Variants in DOCK9 observed in about 807,000 individuals in gnomAD.
DOCK9 encodes dedicator of cytokinesis 9.
A neutral mutation model predicts 263.3 loss-of-function variants in DOCK9; 89 were observed. The ratio of observed to expected loss-of-function variants is 0.34; its 90% CI spans 0.28 to 0.40. DOCK9 has a LOEUF of 0.40. Among genes scored for constraint, DOCK9 ranks in the 10% least tolerant of loss-of-function variants. The probability of loss-of-function intolerance (pLI) is 1.00; values close to 1 mark genes in which losing one functional copy is unlikely to be tolerated. For missense variants in DOCK9, 2,140 were observed against 2,603.4 expected (o/e 0.82, Z 3.87); for synonymous variants, 976 against 973.1 (o/e 1.00, Z -0.06).
intron 13 of DOCK9, among the ~76,000 whole-genome samples, chr13:98,900,216 G>A (rs2048067006): frequency 6.6e-6 from 1 of 152,202 alleles, no homozygotes; most frequent in East Asian, 1.9e-4. Flanking sequence ...TGGACATGGA[G>A]GAGTGTGCAG....
rs1233926347 is a variant in DOCK9 at position 99,035,189 on chromosome 13, G to A, written c.129+51034C>T. Among the ~76,000 whole-genome samples the A allele has an allele frequency of 3.3e-5, 5 of 152,140 alleles. No homozygotes were observed. In the East Asian group the frequency reaches 7.7e-4, roughly 23 times the overall value. On this transcript the variant is annotated intron_variant, in intron 1 of 32. Coordinates refer to the DOCK9 transcript ENST00000427887. ...ACATTAATTATGAAACTTAAGTTGT[G>A]TCACAACTCTCAATCTCTCAAATTT...
At chr13:98,983,918 C>T (rs1045750478) in intron 1 of DOCK9, among the ~76,000 whole-genome samples, 2 of 152,056 alleles carry the variant, frequency 1.3e-5, no homozygotes, top group Non-Finnish European at 2.9e-5. Context: ...TGCCCGGCCT[C>T]CTCAATTATT....
intron 18 of DOCK9, among the ~76,000 whole-genome samples, chr13:98,886,843 C>T (rs2045778016): frequency 1.3e-5 from 2 of 152,120 alleles, no homozygotes; most frequent in Non-Finnish European, 2.9e-5. Flanking sequence ...TTCCAGGTCA[C>T]AGCCCTGGAT....
chr13:99,000,838 G>A (rs1406315553), intron 1 of DOCK9, among the ~76,000 whole-genome samples: 2 of 152,080 alleles, frequency 1.3e-5, no homozygotes, highest in African/African-American at 4.8e-5. Flanking sequence ...AGATAAGAAC[G>A]TAACATCTAG....
intron 45 of DOCK9, among the ~76,000 whole-genome samples, chr13:98,818,855 A>G (rs2092082121): frequency 6.6e-6 from 1 of 151,656 alleles, no homozygotes; most frequent in South Asian, 2.1e-4. Context: ...GTGTGTGCGC[A>G]CACATGTGCA....
At chr13:99,019,872 G>A (rs967420841) in intron 1 of DOCK9, among the ~76,000 whole-genome samples, 9 of 152,036 alleles carry the variant, frequency 5.9e-5, no homozygotes, top group African/African-American at 1.2e-4. Flanking sequence ...AGGCCGAGGC[G>A]GGCAGATCAC....
chr13:98,974,611 A>G (rs1254375419), intron 1 of DOCK9, among the ~76,000 whole-genome samples: 1 of 151,938 alleles, frequency 6.6e-6, no homozygotes, highest in Non-Finnish European at 1.5e-5. Context: ...TTAGTCGGGC[A>G]TGGTGGCATG....
rs2092668828 is a variant in DOCK9 at position 98,829,277 on chromosome 13, AC to A, written c.4965+29del. 7 of 1,579,904 alleles carry A rather than the reference AC, an allele frequency of 4.4e-6. No homozygotes were observed. The highest frequency in any genetic ancestry group is 1.8e-5 in the Admixed American group (1 of 55,724). ...TGGGGCCTCACTGGTTTTTTCAAAA[AC>A]CCATTCAAGCGGCTGGCAGGGCTAC... is the stretch of plus-strand genomic sequence containing the variant. On this transcript the variant is annotated intron_variant, in intron 43 of 52. Coordinates refer to ENST00000682017, the MANE Select transcript of DOCK9 (RefSeq NM_001366683.2). The surrounding 1 kb of genome is among the most constrained non-coding windows in gnomAD (Gnocchi z 4.1).
chr13:98,830,316 A>G (rs2092709408), intron 41 of DOCK9, among the ~76,000 whole-genome samples: 1 of 152,162 alleles, frequency 6.6e-6, no homozygotes, highest in Non-Finnish European at 1.5e-5. Flanking sequence ...ATCAGTCACC[A>G]AATGTTGTCA....
chr13:99,026,343 CA>C (rs1026459542), intron 1 of DOCK9, among the ~76,000 whole-genome samples: 1 of 152,146 alleles, frequency 6.6e-6, no homozygotes, highest in African/African-American at 2.4e-5. Flanking sequence ...TACATCAATC[CA>C]AAGTTGAATT....
At chr13:99,064,207 A>C (rs2041317335) in intron 1 of DOCK9, among the ~76,000 whole-genome samples, 1 of 152,268 alleles carries the variant, frequency 6.6e-6, no homozygotes, top group Admixed American at 6.5e-5. Flanking sequence ...GGAGAACAGC[A>C]AGTCCCCATT....
intron 15 of DOCK9, among the ~76,000 whole-genome samples, chr13:98,892,574 T>C (rs1370902700): frequency 6.6e-6 from 1 of 152,180 alleles, no homozygotes; most frequent in Non-Finnish European, 1.5e-5. Context: ...AGTTTATGTC[T>C]AAGAAGAAAA....
At chr13:98,975,680 TTTTAA>T (rs1670756206) in intron 1 of DOCK9, among the ~76,000 whole-genome samples, 1 of 152,232 alleles carries the variant, frequency 6.6e-6, no homozygotes, top group African/African-American at 2.4e-5. Context: ...ATTTTATCCG[TTTTAA>T]TTTATGTAAT....
chr13:99,062,655 T>C (rs2041242776), intron 1 of DOCK9, among the ~76,000 whole-genome samples: 2 of 152,218 alleles, frequency 1.3e-5, no homozygotes, highest in African/African-American at 4.8e-5. Flanking sequence ...CTGCCTGCTT[T>C]TCTGCTTTTT....
intron 1 of DOCK9, among the ~76,000 whole-genome samples, chr13:99,083,958 G>A (rs6491482): frequency 0.22 from 32,814 of 152,038 alleles, 3,549 homozygotes; most frequent in Middle Eastern, 0.31. Flanking sequence ...TTATGTTGTG[G>A]GCATTGTATT....
intron 15 of DOCK9, among the ~76,000 whole-genome samples, chr13:98,894,752 A>AT (rs889032973): frequency 6.6e-6 from 1 of 151,780 alleles, no homozygotes; most frequent in Non-Finnish European, 1.5e-5. Flanking sequence ...AATAGAGAAG[A>AT]TTTTTTTAAA....
In DOCK9 at chr13:98,879,881, C is replaced by T; in HGVS notation, c.2943+17G>A. The T allele has an allele frequency of 6.3e-7, 1 of 1,592,272 alleles. No individual in the cohort carries two copies. Among genetic ancestry groups the T allele is most frequent in the Non-Finnish European group, 8.5e-7 (1 of 1,172,030 alleles). On this transcript the variant is annotated intron_variant, in intron 27 of 52. Coordinates refer to ENST00000682017, the MANE Select transcript of DOCK9 (RefSeq NM_001366683.2). Reference sequence around the variant, plus strand: ...CTTTTCCCCTAAGAACACAAGCTTCCACTTGAAGTAACATACCTTAACTTT... The same window carrying T: ...CTTTTCCCCTAAGAACACAAGCTTCTACTTGAAGTAACATACCTTAACTTT...
chr13:98,955,976 G>C (rs557830637), intron 1 of DOCK9, among the ~76,000 whole-genome samples: 142 of 152,316 alleles, frequency 9.3e-4, no homozygotes, highest in African/African-American at 3.2e-3. Context: ...TGTATCCACA[G>C]GACTCATTAT....
intron 1 of DOCK9, among the ~76,000 whole-genome samples, chr13:99,024,352 G>T (rs1385132709): frequency 6.6e-6 from 1 of 152,294 alleles, no homozygotes; most frequent in East Asian, 1.9e-4. Context: ...GCCTCCACCA[G>T]CCATTCCCAA....
Sources: allele counts gnomAD v4.1 joint callset (sites outside exome capture counted in the v4.1 genomes callset), GRCh38; gene constraint gnomAD v4.1.1; non-coding constraint Gnocchi (gnomAD v3.1); transcripts MANE v1.5; gene names NCBI Gene and HGNC (gene_info 2026-07-23, HGNC 2026-07-21).